Variants in CHIC1 observed in about 807,000 individuals in gnomAD.
CHIC1 encodes cysteine rich hydrophobic domain 1.
Under a neutral mutation model 18.5 loss-of-function variants are expected in CHIC1, and 7 were observed. The observed-to-expected ratio is 0.38, with a 90% CI of 0.22 to 0.71. The LOEUF is 0.71. Among genes scored for constraint, CHIC1 ranks in the 30% least tolerant of loss-of-function variants. The pLI is 0.49. For synonymous variants in CHIC1, 77 were observed against 73.5 expected (o/e 1.05, Z -0.25); for missense variants, 159 against 176.9 (o/e 0.90, Z 0.57).
At chrX:73,576,011 C>T (rs2057496331) in intron 1 of CHIC1, among the ~76,000 whole-genome samples, 1 of 108,475 alleles carries the variant, frequency 9.2e-6, no homozygotes, top group South Asian at 3.9e-4. Context: ...AAATCTAAGA[C>T]ACAAACACAC....
At chrX:73,576,118 G>A (rs998682707) in intron 1 of CHIC1, among the ~76,000 whole-genome samples, 2 of 109,456 alleles carry the variant, frequency 1.8e-5, no homozygotes, top group African/African-American at 6.6e-5. Context: ...TAATCACGGA[G>A]CTGTCATCTC....
intron 1 of CHIC1, among the ~76,000 whole-genome samples, chrX:73,576,683 A>G (rs2057501176): frequency 9.0e-6 from 1 of 110,730 alleles, no homozygotes; most frequent in Non-Finnish European, 1.9e-5. Flanking sequence ...GTAACATTGT[A>G]GTTAATATGA....
At chrX:73,569,339 A>G (rs944950300) in intron 1 of CHIC1, among the ~76,000 whole-genome samples, 7 of 111,720 alleles carry the variant, frequency 6.3e-5, no homozygotes, top group African/African-American at 1.9e-4. Flanking sequence ...GGGAAGAGGA[A>G]CTAAGAGTAT....
At chrX:73,620,502 C>A (rs2057754860) in intron 3 of CHIC1, among the ~76,000 whole-genome samples, 1 of 112,088 alleles carries the variant, frequency 8.9e-6, no homozygotes, top group Admixed American at 9.4e-5. Flanking sequence ...TGAATGCCTT[C>A]TTTTAAGAAG....
chrX:73,637,526 AAGT>A (rs1322353710), intron 3 of CHIC1, among the ~76,000 whole-genome samples: 1 of 110,402 alleles, frequency 9.1e-6, no homozygotes, highest in Non-Finnish European at 1.9e-5. Context: ...GGTGTCTCAC[AAGT>A]CCCATAGTCC....
chrX:73,608,960 T>C (rs1216776776), intron 3 of CHIC1, among the ~76,000 whole-genome samples: 2 of 107,021 alleles, frequency 1.9e-5, no homozygotes, highest in Non-Finnish European at 3.8e-5. Flanking sequence ...AAGACCAGCC[T>C]GGCCAACTTA....
intron 3 of CHIC1, among the ~76,000 whole-genome samples, chrX:73,652,851 C>T (rs1225150288): frequency 9.0e-6 from 1 of 111,663 alleles, no homozygotes; most frequent in Non-Finnish European, 1.9e-5. Context: ...ACCAGAAATA[C>T]CATTTGACCC....
intron 3 of CHIC1, among the ~76,000 whole-genome samples, chrX:73,657,201 A>T (rs112743013): frequency 0.047 from 5,134 of 108,452 alleles, 321 homozygotes; most frequent in African/African-American, 0.16. Flanking sequence ...CTGGGACTAC[A>T]GGTGCCCGCC....
At chrX:73,652,517 T>C (rs1235081360) in intron 3 of CHIC1, among the ~76,000 whole-genome samples, 1 of 111,811 alleles carries the variant, frequency 8.9e-6, no homozygotes, top group Admixed American at 9.5e-5. Flanking sequence ...CAGAATCTAC[T>C]AGGAACTTAA....
chrX:73,584,400 A>G lies in CHIC1; in HGVS notation c.352-17A>G. On this transcript the variant is annotated splice_polypyrimidine_tract_variant and intron_variant, in intron 2 of 5. Transcript: ENST00000373502. ...AAAAGCTGCCCACAAACTGTTAAAG[A>G]TTGTACCCTCTTGTAGGTGGCCCCA... is the stretch of plus-strand genomic sequence containing the variant. The G allele has an allele frequency of 8.5e-7, 1 of 1,178,043 alleles. No homozygotes were observed. The highest frequency in any genetic ancestry group is 1.1e-6 in the Non-Finnish European group (1 of 876,217).
rs1463468660 is a variant in CHIC1 at position 73,643,499 on chromosome X, A to G, written c.508-35827A>G. ...GTTCCATTCTCCCCGTCACTTTCAG[A>G]TACACCAATCAGACGTAGATTTGGT... On this transcript the variant is annotated intron_variant, in intron 3 of 5. Transcript: ENST00000373502. Among the ~76,000 whole-genome samples the G allele has an allele frequency of 7.2e-5, 8 of 111,693 alleles. No homozygotes were observed. The East Asian group carries it at 1.1e-3, about 16-fold the overall frequency.
intron 3 of CHIC1, among the ~76,000 whole-genome samples, chrX:73,679,082 T>TAGG (rs2058085271): frequency 8.9e-6 from 1 of 112,144 alleles, no homozygotes; most frequent in Non-Finnish European, 1.9e-5. Context: ...ACATATTTCA[T>TAGG]TTTAGAAAGC....
chrX:73,584,382 G>T (rs2057542708), intron 2 of CHIC1, 35 bp from the exon 3 acceptor site: 2 of 1,128,365 alleles, frequency 1.8e-6, no homozygotes, highest in African/African-American at 3.6e-5. Flanking sequence ...GTGAAAAGCT[G>T]CCCACAAACT....
At chrX:73,680,106 T>G (rs2058090620) in intron 5 of CHIC1, among the ~76,000 whole-genome samples, 1 of 110,005 alleles carries the variant, frequency 9.1e-6, no homozygotes, top group African/African-American at 3.3e-5. Flanking sequence ...GGCTTTTTTT[T>G]TTTTTTTTGG....
chrX:73,628,652 G>A (rs926902600), intron 3 of CHIC1, among the ~76,000 whole-genome samples: 2 of 111,180 alleles, frequency 1.8e-5, no homozygotes, highest in Non-Finnish European at 3.8e-5. Flanking sequence ...CCACACCACT[G>A]TTGTCAGGGT....
chrX:73,678,701 A>C (rs957710872), intron 3 of CHIC1, among the ~76,000 whole-genome samples: 1 of 112,517 alleles, frequency 8.9e-6, no homozygotes, highest in African/African-American at 3.2e-5. Flanking sequence ...GAAGAAACTC[A>C]GTCTCTGTCC....
intron 3 of CHIC1, among the ~76,000 whole-genome samples, chrX:73,626,644 A>G (rs1158163510): frequency 6.3e-5 from 7 of 110,796 alleles, no homozygotes; most frequent in African/African-American, 2.3e-4. Flanking sequence ...CTAGATTTTT[A>G]ATAATTATTT....
chrX:73,638,581 T>A lies in CHIC1; in HGVS notation c.508-40745T>A, dbSNP rs985804801. Among the ~76,000 whole-genome samples the A allele has an allele frequency of 2.7e-5, 3 of 111,339 alleles. No homozygotes were observed. In the East Asian group the frequency reaches 8.5e-4, roughly 32 times the overall value. On this transcript the variant is annotated intron_variant, in intron 3 of 5. Transcript: ENST00000373502. ...ACATGTGCACGTTTGTCATATAGGT[T>A]AATGTGTTTCTGAGAGGTGTGTTGT...
chrX:73,596,647 C>T (rs1358425862), intron 3 of CHIC1, among the ~76,000 whole-genome samples: 3 of 111,233 alleles, frequency 2.7e-5, no homozygotes, highest in Non-Finnish European at 3.8e-5. Flanking sequence ...GCTTCAGTAA[C>T]CAAAGCAGTT....
Sources: allele counts gnomAD v4.1 joint callset (sites outside exome capture counted in the v4.1 genomes callset), GRCh38; gene constraint gnomAD v4.1.1; transcripts MANE v1.5; gene names NCBI Gene and HGNC (gene_info 2026-07-23, HGNC 2026-07-21).